The following XRCC4 variants were observed in gnomAD, a reference collection of about 807,000 sequenced individuals.
XRCC4 encodes the protein DNA repair protein XRCC4.
Under a neutral mutation model 39.1 loss-of-function variants are expected in XRCC4, and 28 were observed. The observed-to-expected ratio is 0.72, with a 90% CI of 0.53 to 0.98. The LOEUF (loss-of-function observed/expected upper bound fraction) is 0.98, where lower values mean the gene tolerates loss of function less well. Ranked by LOEUF, XRCC4 falls within the 50% of genes least tolerant of loss-of-function variation. XRCC4 has a pLI of 0.00. For synonymous variants in XRCC4, 123 were observed against 126.4 expected (o/e 0.97, Z 0.18); for missense variants, 350 against 376.4 (o/e 0.93, Z 0.58).
chr5:83,130,142 A>G (rs1372379566), intron 3 of XRCC4, among the ~76,000 whole-genome samples: 1 of 152,146 alleles, frequency 6.6e-6, no homozygotes, highest in Non-Finnish European at 1.5e-5. Context: ...GATACGTCCC[A>G]TCAATACCTA....
chr5:83,148,822 T>C (rs1748576894), intron 3 of XRCC4, among the ~76,000 whole-genome samples: 1 of 151,732 alleles, frequency 6.6e-6, no homozygotes, highest in Admixed American at 6.6e-5. Context: ...ATAATAATAA[T>C]AAAGTAATAC....
At chr5:83,109,366 C>G (rs1272852616) in intron 2 of XRCC4, among the ~76,000 whole-genome samples, 1 of 151,876 alleles carries the variant, frequency 6.6e-6, no homozygotes, top group East Asian at 1.9e-4. Flanking sequence ...CTTCATCACC[C>G]TAGACCATTA....
chr5:83,304,786 G>A (rs301282), intron 7 of XRCC4, among the ~76,000 whole-genome samples: 137,447 of 152,186 alleles, frequency 0.9, 62,120 homozygotes, highest in East Asian at 0.94. Context: ...TAGTTGGATA[G>A]GACTAATTTG....
Position 83,352,373 on chromosome 5 carries a change from A to G in XRCC4, c.894-758A>G, listed in dbSNP as rs28360341. ...ATAGAGAACCACTGACAAGGTTTCTACAAGGATATTAACACACACTCCACA... is the reference window on the plus strand; with the variant it reads ...ATAGAGAACCACTGACAAGGTTTCTGCAAGGATATTAACACACACTCCACA... On this transcript the variant is annotated intron_variant, in intron 7 of 7. Coordinates refer to ENST00000396027, the MANE Select transcript of XRCC4 (RefSeq NM_003401.5). Among the ~76,000 whole-genome samples the G allele has an allele frequency of 1.2e-3, 188 of 152,356 alleles. 1 individual carries two copies. Among genetic ancestry groups the G allele is most frequent in the African/African-American group, 4.1e-3 (171 of 41,586 alleles).
At chr5:83,077,646 A>C (rs1467776161) in intron 1 of XRCC4, 31 bp downstream of exon 1, 2 of 332,414 alleles carry the variant, frequency 6.0e-6, no homozygotes, top group Non-Finnish European at 5.6e-6. Context: ...TGCCTCTTTA[A>C]ATAACAAAAA....
intron 1 of XRCC4, among the ~76,000 whole-genome samples, chr5:83,095,903 A>G (rs1745652437): frequency 6.6e-6 from 1 of 152,110 alleles, no homozygotes; most frequent in South Asian, 2.1e-4. Context: ...GTTCCCAGCA[A>G]GAGGATTGGA....
At chr5:83,309,296 A>AAAAAATATATATATAT (rs1561467702) in intron 7 of XRCC4, among the ~76,000 whole-genome samples, 2 of 72,230 alleles carry the variant, frequency 2.8e-5, no homozygotes, top group East Asian at 1.2e-3. Flanking sequence ...AAAAAAAAAA[A>AAAAAATATATATATAT]ATATATATAT....
At chr5:83,079,665 C>T (rs115758432) in intron 1 of XRCC4, among the ~76,000 whole-genome samples, 324 of 152,068 alleles carry the variant, frequency 2.1e-3, no homozygotes, top group African/African-American at 7.3e-3. Context: ...CCCCAGTAAC[C>T]GGGACCATGG....
chr5:83,357,271 T>G (rs1757200866), downstream of XRCC4, among the ~76,000 whole-genome samples: 1 of 152,186 alleles, frequency 6.6e-6, no homozygotes, highest in Non-Finnish European at 1.5e-5. Flanking sequence ...GAGGTTATAT[T>G]CTAGAAATGA....
intron 6 of XRCC4, among the ~76,000 whole-genome samples, chr5:83,246,561 A>G (rs1872065): frequency 0.049 from 7,514 of 152,178 alleles, 583 homozygotes; most frequent in African/African-American, 0.17. Flanking sequence ...TTATTAAACA[A>G]TAATTTTTGG....
At chr5:83,372,169 A>C in the XRCC4 span, among the ~76,000 whole-genome samples, 1 of 151,610 alleles carries the variant, frequency 6.6e-6, no homozygotes, top group Non-Finnish European at 1.5e-5. Flanking sequence ...ATCACTTCCC[A>C]GGTTAAGGAA....
In XRCC4 at chr5:83,187,012, C is replaced by T. The variant is rs1240203619; in HGVS notation, c.316-8758C>T. ...AGGCTGGAGTGCAGTGGCGCGACCT[C>T]GGCTCACTGCAAGCTCCGCCTCCCG... On this transcript the variant is annotated intron_variant, in intron 3 of 7. Transcript: ENST00000396027. 7.8e-4 allele frequency among the ~76,000 whole-genome samples: 35 copies of T among 44,732 alleles called. 9 individuals carry two copies. The highest frequency in any genetic ancestry group is 3.6e-3 in the African/African-American group (33 of 9,110). 29.3% of individuals were successfully genotyped at this position (44,732 alleles called of 152,430 possible). A position where few individuals can be genotyped will look rare whatever the true frequency, so the allele number is the denominator to read the frequency against.
At chr5:83,345,927 G>A (rs1756904647) in intron 7 of XRCC4, among the ~76,000 whole-genome samples, 1 of 152,012 alleles carries the variant, frequency 6.6e-6, no homozygotes, top group African/African-American at 2.4e-5. Flanking sequence ...ATGATGTAGT[G>A]CAATTTTTAT....
chr5:83,340,258 G>GTT (rs1017688051), intron 7 of XRCC4, among the ~76,000 whole-genome samples: 1 of 69,992 alleles, frequency 1.4e-5, no homozygotes, highest in African/African-American at 6.2e-5. Flanking sequence ...TAATAACAAA[G>GTT]TTAAGACTAG....
chr5:83,284,763 T>C (rs1450055663), intron 7 of XRCC4, among the ~76,000 whole-genome samples: 2 of 152,154 alleles, frequency 1.3e-5, no homozygotes, highest in African/African-American at 4.8e-5. Context: ...GGAGTAACTA[T>C]GCTATTAGCT....
chr5:83,089,715 T>C (rs966560178), intron 1 of XRCC4, among the ~76,000 whole-genome samples: 1 of 150,068 alleles, frequency 6.7e-6, no homozygotes, highest in Admixed American at 6.6e-5. Flanking sequence ...ATGTTACATG[T>C]CTTAGAAAAA....
At chr5:83,258,751 G>T (rs1753647352) in intron 7 of XRCC4, 74 bp downstream of exon 7, 1 of 1,499,906 alleles carries the variant, frequency 6.7e-7, no homozygotes, top group African/African-American at 1.4e-5. Context: ...TAAAAATTAT[G>T]TTTTCATTTT....
At chr5:83,170,399 A>T (rs1360405692) in intron 3 of XRCC4, among the ~76,000 whole-genome samples, 1 of 152,140 alleles carries the variant, frequency 6.6e-6, no homozygotes, top group East Asian at 1.9e-4. Context: ...AGGAAAAAAA[A>T]ATCAGCTTGA....
intron 6 of XRCC4, among the ~76,000 whole-genome samples, chr5:83,219,710 C>G (rs1315417294): frequency 6.6e-6 from 1 of 152,084 alleles, no homozygotes; most frequent in Non-Finnish European, 1.5e-5. Flanking sequence ...ATACTACACA[C>G]TGGATTTCGA....
Sources: gnomAD v4.1 joint callset for allele counts (sites outside exome capture counted in the v4.1 genomes callset) on GRCh38, gnomAD v4.1.1 for gene constraint, MANE v1.5 for transcripts, NCBI Gene and HGNC (gene_info 2026-07-23, HGNC 2026-07-21) for gene names.